Variants in FKBP5 observed in about 807,000 individuals in gnomAD.
FKBP5 encodes the protein FKBP prolyl isomerase 5.
FKBP5 carries 23 observed loss-of-function variants against 50.5 expected under a neutral mutation model. The ratio of observed to expected loss-of-function variants is 0.46; its 90% confidence interval spans 0.33 to 0.65. The LOEUF (loss-of-function observed/expected upper bound fraction) is 0.65. FKBP5 is among the 30% of genes least tolerant of loss of function. The probability of loss-of-function intolerance (pLI) is 0.02; values close to 1 mark genes in which losing one functional copy is unlikely to be tolerated. For missense variants in FKBP5, 411 were observed against 553.1 expected (o/e 0.74, Z 2.58); for synonymous variants, 176 against 190.6 (o/e 0.92, Z 0.63).
intron 1 of FKBP5, among the ~76,000 whole-genome samples, chr6:35,661,144 CTTATT>C (rs1404507951): frequency 2.4e-5 from 2 of 82,382 alleles, no homozygotes; most frequent in African/African-American, 7.5e-5. Context: ...TTTGATTTAC[CTTATT>C]TTATGTATTT....
chr6:35,578,768 CAA>C (rs11376572), intron 9 of FKBP5, among the ~76,000 whole-genome samples: 5 of 134,888 alleles, frequency 3.7e-5, no homozygotes, highest in African/African-American at 5.6e-5. Flanking sequence ...ACTCCATCTC[CAA>C]AAAAAAAAAA....
chr6:35,677,280 A>G (rs1765552508), intron 1 of FKBP5, among the ~76,000 whole-genome samples: 1 of 152,044 alleles, frequency 6.6e-6, no homozygotes. Flanking sequence ...TCACTGTGTT[A>G]GCCAGAGTGG....
chr6:35,586,096 A>T (rs1762589733), intron 8 of FKBP5: 1 of 984,716 alleles, frequency 1.0e-6, no homozygotes, highest in African/African-American at 1.8e-5. Flanking sequence ...CCTTGACAGA[A>T]CTCCCATTCT....
rs539343509 is a variant in FKBP5 at position 35,589,092 on chromosome 6, T to A, written c.757-1975A>T. Among the ~76,000 whole-genome samples the A allele has an allele frequency of 5.5e-3, 754 of 135,954 alleles. 9 individuals carry two copies. Among genetic ancestry groups the A allele is most frequent in the African/African-American group, 0.018 (632 of 34,654 alleles). The allele number at this position is 135,954 out of a possible 152,430, so 89.2% of individuals were successfully genotyped here. ...TGTGTATATATTTATATATATATTT[T>A]TATATATATATATATTTTTATATAT... is the stretch of plus-strand genomic sequence containing the variant. On this transcript the variant is annotated intron_variant, in intron 7 of 10. Transcript: ENST00000357266.
intron 3 of FKBP5, among the ~76,000 whole-genome samples, chr6:35,628,276 T>G (rs540871148): frequency 6.6e-6 from 1 of 152,184 alleles, no homozygotes; most frequent in South Asian, 2.1e-4. Context: ...GCACCCTTGT[T>G]GAAAAATCAC....
At chr6:35,716,169 C>T (rs1184399965) in intron 2 of FKBP5, among the ~76,000 whole-genome samples, 3 of 152,100 alleles carry the variant, frequency 2.0e-5, no homozygotes, top group Non-Finnish European at 2.9e-5. Context: ...GCCAGGAGTT[C>T]GAGCCCAGCC....
intron 5 of FKBP5, among the ~76,000 whole-genome samples, chr6:35,613,006 A>G (rs1199441342): frequency 6.6e-6 from 1 of 152,246 alleles, no homozygotes; most frequent in African/African-American, 2.4e-5. Context: ...TCATAAAAGT[A>G]TCAGGTAGCA....
intron 1 of FKBP5, among the ~76,000 whole-genome samples, chr6:35,662,486 G>A (rs967181463): frequency 6.8e-6 from 1 of 147,028 alleles, no homozygotes; most frequent in African/African-American, 2.5e-5. Context: ...GTCGCACTAT[G>A]TTGCCCAGGC....
intron 1 of FKBP5, among the ~76,000 whole-genome samples, chr6:35,646,850 C>CT (rs1364589019): frequency 1.4e-4 from 22 of 152,164 alleles, no homozygotes; most frequent in African/African-American, 5.1e-4. Flanking sequence ...TCAGCAAACA[C>CT]CTGAGACATA....
At chr6:35,601,145 C>T (rs1763133492) in intron 5 of FKBP5, among the ~76,000 whole-genome samples, 1 of 152,102 alleles carries the variant, frequency 6.6e-6, no homozygotes, top group African/African-American at 2.4e-5. Context: ...TACATGTGGA[C>T]TAATCTTTTT....
At chr6:35,696,661 TC>T (rs754274506) in intron 2 of FKBP5, among the ~76,000 whole-genome samples, 2 of 152,316 alleles carry the variant, frequency 1.3e-5, no homozygotes, top group East Asian at 3.9e-4. Context: ...GCAATCCCCA[TC>T]AGAATCTGAG....
rs139152045 is a variant in FKBP5, at chr6:35,716,628, A to G, written c.-20+3700T>C. Reference sequence around the variant, plus strand: ...ACCTGCCCCAACCCATCCCAGGCACATGCTCTGTACTCAGTGACTGCCGCT... The same window carrying G: ...ACCTGCCCCAACCCATCCCAGGCACGTGCTCTGTACTCAGTGACTGCCGCT... On this transcript the variant is annotated intron_variant, in intron 2 of 11. Transcript: ENST00000536438. Among the ~76,000 whole-genome samples, 4 of 152,226 alleles carry G rather than the reference A, an allele frequency of 2.6e-5. No individual in the cohort carries two copies. In the East Asian group the frequency reaches 7.7e-4, roughly 29 times the overall value.
chr6:35,709,276 C>A (rs4711427), intron 2 of FKBP5, among the ~76,000 whole-genome samples: 109,659 of 152,078 alleles, frequency 0.72, 39,596 homozygotes, highest in African/African-American at 0.77. Flanking sequence ...ATTATGAGAA[C>A]AGCATGGGAA....
intron 1 of FKBP5, among the ~76,000 whole-genome samples, chr6:35,664,289 G>GT (rs11347868): frequency 4.4e-4 from 65 of 148,244 alleles, no homozygotes; most frequent in Middle Eastern, 3.5e-3. Flanking sequence ...AAAATTAGCT[G>GT]TTTTTTTTTT....
chr6:35,663,601 C>T (rs1375582617), intron 1 of FKBP5, among the ~76,000 whole-genome samples: 2 of 152,162 alleles, frequency 1.3e-5, no homozygotes, highest in Non-Finnish European at 2.9e-5. Context: ...ACTGCTCTGG[C>T]TACAGTGGCC....
At chr6:35,712,577 C>T (rs1282502351) in intron 2 of FKBP5, among the ~76,000 whole-genome samples, 1 of 152,132 alleles carries the variant, frequency 6.6e-6, no homozygotes, top group East Asian at 1.9e-4. Context: ...ACTACCTGCC[C>T]CTTCACAGCA....
chr6:35,716,565 C>G (rs994403422), intron 2 of FKBP5, among the ~76,000 whole-genome samples: 1 of 152,032 alleles, frequency 6.6e-6, no homozygotes, highest in Admixed American at 6.6e-5. Flanking sequence ...AGACAGTTAC[C>G]GTGTCTTATG....
intron 2 of FKBP5, among the ~76,000 whole-genome samples, chr6:35,717,062 C>T (rs1415589447): frequency 1.3e-5 from 2 of 152,148 alleles, no homozygotes; most frequent in African/African-American, 2.4e-5. Context: ...ATCCTTACCC[C>T]ACCCCCCGCC....
intron 1 of FKBP5, among the ~76,000 whole-genome samples, chr6:35,723,249 A>G (rs1581907750): frequency 6.6e-6 from 1 of 152,078 alleles, no homozygotes; most frequent in South Asian, 2.1e-4. Flanking sequence ...TAAATAAATA[A>G]AATAAAATAA....
Sources: allele counts gnomAD v4.1 joint callset (sites outside exome capture counted in the v4.1 genomes callset), GRCh38; gene constraint gnomAD v4.1.1; transcripts MANE v1.5; gene names NCBI Gene and HGNC (gene_info 2026-07-23, HGNC 2026-07-21).